The following CACNA1E variants were observed in gnomAD, a reference collection of about 807,000 sequenced individuals.
CACNA1E encodes voltage-dependent R-type calcium channel subunit alpha-1E.
In CACNA1E, 40 loss-of-function variants were observed where a neutral mutation model predicts 259.2. The observed-to-expected ratio is 0.15, with a 90% confidence interval of 0.12 to 0.20. CACNA1E has a LOEUF of 0.20. CACNA1E is among the 10% of genes least tolerant of loss of function. The pLI is 1.00. For missense variants in CACNA1E, 1,874 were observed against 3,040.1 expected, an observed-to-expected ratio of 0.62 and a Z score of 9.02; for synonymous variants, 1,104 against 1,138.5, an observed-to-expected ratio of 0.97 and a Z score of 0.61.
At chr1:181,788,261 G>C (rs770879831) in intron 43 of CACNA1E, among the ~76,000 whole-genome samples, 1 of 152,174 alleles carries the variant, frequency 6.6e-6, no homozygotes, top group Non-Finnish European at 1.5e-5. Flanking sequence ...TTGGGTGCAT[G>C]TTGGTACATT....
At chr1:181,668,142 T>C (rs1648429573) in intron 7 of CACNA1E, among the ~76,000 whole-genome samples, 1 of 152,190 alleles carries the variant, frequency 6.6e-6, no homozygotes, top group African/African-American at 2.4e-5. Context: ...TAAGACCCCT[T>C]GTGCTACCCT....
At chr1:181,565,199 G>A (rs995066641) in intron 3 of CACNA1E, among the ~76,000 whole-genome samples, 14 of 152,140 alleles carry the variant, frequency 9.2e-5, no homozygotes, top group African/African-American at 3.4e-4. Flanking sequence ...TATCTATATG[G>A]AATAGGCAAG....
intron 6 of CACNA1E, among the ~76,000 whole-genome samples, chr1:181,645,057 G>A (rs1305419759): frequency 2.0e-5 from 3 of 152,172 alleles, no homozygotes; most frequent in African/African-American, 4.8e-5. Flanking sequence ...AGCCTGCCAC[G>A]TCCTTACTGG....
At chr1:181,632,514 TAC>T (rs1432758582) in intron 6 of CACNA1E, among the ~76,000 whole-genome samples, 4 of 152,190 alleles carry the variant, frequency 2.6e-5, no homozygotes, top group Non-Finnish European at 5.9e-5. Context: ...CACCTGTATT[TAC>T]AGATGTGGGC....
At chr1:181,720,157 T>A in intron 13 of CACNA1E, 49 bp from the exon 14 acceptor site, 1 of 1,607,702 alleles carries the variant, frequency 6.2e-7, no homozygotes, top group South Asian at 1.1e-5. Flanking sequence ...GCTTGGTGGG[T>A]GACTTGGTAT....
At chr1:181,525,877 T>G (rs983154942) in intron 3 of CACNA1E, among the ~76,000 whole-genome samples, 1 of 152,152 alleles carries the variant, frequency 6.6e-6, no homozygotes, top group African/African-American at 2.4e-5. Flanking sequence ...TGTGGGGTAA[T>G]TGGATCTAGG....
chr1:181,616,975 CCTT>C (rs1391181351), intron 6 of CACNA1E, among the ~76,000 whole-genome samples: 1 of 152,144 alleles, frequency 6.6e-6, no homozygotes, highest in Non-Finnish European at 1.5e-5. Context: ...CATAATGTCT[CCTT>C]ATTATCTTTT....
intron 6 of CACNA1E, among the ~76,000 whole-genome samples, chr1:181,593,513 G>A (rs1652863109): frequency 6.6e-6 from 1 of 152,174 alleles, no homozygotes; most frequent in Non-Finnish European, 1.5e-5. Flanking sequence ...CTATGTTGCA[G>A]TTGCTTCCAA....
Position 181,384,715 on chromosome 1 carries a change from C to T in CACNA1E, c.-14-28418C>T, listed in dbSNP as rs139430771. Among the ~76,000 whole-genome samples, 285 of 152,192 alleles carry T rather than the reference C, an allele frequency of 1.9e-3. 1 individual carries two copies. Among genetic ancestry groups the T allele is most frequent in the African/African-American group, 6.0e-3 (251 of 41,526 alleles). On this transcript the variant is annotated intron_variant, in intron 1 of 11. Coordinates refer to the CACNA1E transcript ENST00000524607. ...GGACGATCCTCACTCCTGGTGTTCC[C>T]GGTACAAGCCCCTCCCAGACCCTGC...
chr1:181,696,528 T>C (rs573432950), intron 7 of CACNA1E, among the ~76,000 whole-genome samples: 9 of 152,342 alleles, frequency 5.9e-5, no homozygotes, highest in Non-Finnish European at 1.2e-4. Context: ...CTATACTTAC[T>C]AGTTTCCCAG....
chr1:181,675,096 A>G (rs1460405356), intron 7 of CACNA1E, among the ~76,000 whole-genome samples: 3 of 152,206 alleles, frequency 2.0e-5, no homozygotes, highest in Non-Finnish European at 4.4e-5. Context: ...TCCCCTGTGA[A>G]GTGCATCTGA....
chr1:181,735,692 G>A (rs1655972682), intron 21 of CACNA1E, among the ~76,000 whole-genome samples: 1 of 152,202 alleles, frequency 6.6e-6, no homozygotes, highest in Non-Finnish European at 1.5e-5. Flanking sequence ...GAAAAGCACA[G>A]CCAGAAAGCC....
At chr1:181,393,745 C>A (rs6681188) in intron 1 of CACNA1E, among the ~76,000 whole-genome samples, 2,931 of 152,264 alleles carry the variant, frequency 0.019, 107 homozygotes, top group African/African-American at 0.066. Context: ...GGCGTGTGCC[C>A]CCGTGCCTGG....
chr1:181,620,220 T>A (rs931522096), intron 6 of CACNA1E, among the ~76,000 whole-genome samples: 6 of 152,090 alleles, frequency 3.9e-5, no homozygotes, highest in African/African-American at 1.4e-4. Context: ...ACAGGTGAGC[T>A]GGTGAGGGAA....
intron 44 of CACNA1E, among the ~76,000 whole-genome samples, chr1:181,792,303 G>A (rs1405525298): frequency 2.0e-5 from 3 of 152,186 alleles, no homozygotes; most frequent in African/African-American, 4.8e-5. Flanking sequence ...TCATCTCATT[G>A]TCAGTACCAG....
At chr1:181,510,730 A>T in intron 2 of CACNA1E, 148 bp downstream of exon 2, 1 of 621,810 alleles carries the variant, frequency 1.6e-6, no homozygotes, top group Admixed American at 2.6e-5. Context: ...GACAGACCCC[A>T]TGGGGATTCA....
intron 41 of CACNA1E, 64 bp downstream of exon 41, chr1:181,784,832 G>C: frequency 1.0e-6 from 1 of 974,588 alleles, no homozygotes. Context: ...TACGTCTTTG[G>C]GGGGAACCCA....
At chr1:181,620,522 G>A (rs556527910) in intron 6 of CACNA1E, among the ~76,000 whole-genome samples, 1 of 152,292 alleles carries the variant, frequency 6.6e-6, no homozygotes, top group East Asian at 1.9e-4. Flanking sequence ...ATGTGCTGAG[G>A]AAACCCTGAG....
At chr1:181,499,052 T>C (rs751179678) in intron 1 of CACNA1E, among the ~76,000 whole-genome samples, 1 of 152,262 alleles carries the variant, frequency 6.6e-6, no homozygotes, top group Non-Finnish European at 1.5e-5. Context: ...AAATGGTTAA[T>C]ATTCTTCTTT....
Sources: gnomAD v4.1 joint callset for allele counts (sites outside exome capture counted in the v4.1 genomes callset) on GRCh38, gnomAD v4.1.1 for gene constraint, MANE v1.5 for transcripts, NCBI Gene and HGNC (gene_info 2026-07-23, HGNC 2026-07-21) for gene names.